The following PCNX1 variants were observed in gnomAD, a reference collection of about 807,000 sequenced individuals.
PCNX1 encodes pecanex-like protein 1.
PCNX1 carries 78 observed loss-of-function variants against 242.2 expected under a neutral mutation model. The observed-to-expected ratio is 0.32, with a 90% CI of 0.27 to 0.39. The LOEUF is 0.39. PCNX1 is among the 10% of genes least tolerant of loss of function. PCNX1 has a pLI of 1.00. For synonymous variants in PCNX1, 1,024 were observed against 1,032.9 expected (o/e 0.99, Z 0.17); for missense variants, 2,581 against 2,856.5 (o/e 0.90, Z 2.20).
chr14:71,031,719 G>A, intron 16 of PCNX1: 1 of 1,013,334 alleles, frequency 9.9e-7, no homozygotes, highest in South Asian at 1.3e-5. Context: ...CTTTGGCCTT[G>A]AACTCTGATG....
chr14:70,962,425 A>G (rs1405129777), intron 3 of PCNX1, 94 bp downstream of exon 3: 4 of 680,328 alleles, frequency 5.9e-6, no homozygotes, highest in African/African-American at 1.8e-5. Context: ...ATGTTTTGTC[A>G]TATCTTTCTG....
chr14:71,065,417 C>T (rs1490207596), intron 26 of PCNX1, among the ~76,000 whole-genome samples: 9 of 152,146 alleles, frequency 5.9e-5, no homozygotes. Context: ...TAAATGTCTT[C>T]TTTTGAGAAG....
chr14:70,936,271 C>T (rs903748372), intron 1 of PCNX1, among the ~76,000 whole-genome samples: 4 of 151,248 alleles, frequency 2.6e-5, no homozygotes, highest in African/African-American at 4.9e-5. Context: ...CTATTGCTAT[C>T]GCTCCTCCCT....
chr14:70,910,049 T>TCCC (rs2055766442), intron 1 of PCNX1, among the ~76,000 whole-genome samples: 2 of 62,478 alleles, frequency 3.2e-5, no homozygotes, highest in African/African-American at 7.4e-5. Flanking sequence ...CTCCTCCTCC[T>TCCC]CCTCCTCCTC....
intron 1 of PCNX1, among the ~76,000 whole-genome samples, chr14:70,928,784 A>G (rs972790398): frequency 1.3e-5 from 2 of 152,198 alleles, no homozygotes; most frequent in African/African-American, 4.8e-5. Flanking sequence ...ATACTGGGAG[A>G]CAAATCTGTA....
In PCNX1 at chr14:70,920,280, C is replaced by CTA. The variant is rs147137851; in HGVS notation, c.153+12280_153+12281dup. Among the ~76,000 whole-genome samples the CTA allele has an allele frequency of 6.9e-3, 1,056 of 152,298 alleles. 12 individuals carry two copies. Among genetic ancestry groups the CTA allele is most frequent in the South Asian group, 0.035 (168 of 4,822 alleles). On this transcript the variant is annotated intron_variant, in intron 1 of 35. Coordinates refer to ENST00000304743, the MANE Select transcript of PCNX1 (RefSeq NM_014982.3). ...ACATTAGTGCAATGCTATTAATGGA[C>CTA]TATACACTTTATTTGGATTTCATCA...
intron 1 of PCNX1, among the ~76,000 whole-genome samples, chr14:70,938,223 G>A (rs7145558): frequency 0.7 from 106,710 of 151,790 alleles, 37,524 homozygotes; most frequent in South Asian, 0.77. Flanking sequence ...TTCAAAGGGA[G>A]TGCTTCCAGT....
intron 28 of PCNX1, among the ~76,000 whole-genome samples, chr14:71,080,086 A>G (rs1356743848): frequency 1.3e-5 from 2 of 152,224 alleles, no homozygotes; most frequent in Admixed American, 6.5e-5. Context: ...AGTTTTCTGC[A>G]TATGGGTAGC....
At chr14:71,051,839 T>G (rs779219817) in intron 23 of PCNX1, 44 bp from the exon 24 acceptor site, 5 of 1,591,954 alleles carry the variant, frequency 3.1e-6, no homozygotes, top group Non-Finnish European at 4.3e-6. Flanking sequence ...GTTTGGCATC[T>G]GTGCTCAGAT....
At chr14:71,033,408 G>C (rs1280830400) in intron 16 of PCNX1, 21 bp from the exon 17 acceptor site, 3 of 1,227,760 alleles carry the variant, frequency 2.4e-6, no homozygotes, top group Non-Finnish European at 3.6e-6. Flanking sequence ...ATATTATTCT[G>C]TTAAATTCAT....
chr14:70,969,812 A>C (rs1283621249), intron 5 of PCNX1: 1 of 151,834 alleles, frequency 6.6e-6, no homozygotes, highest in Non-Finnish European at 1.5e-5. Context: ...GTCTCTACTA[A>C]AAATATAAAA....
intron 19 of PCNX1, among the ~76,000 whole-genome samples, chr14:71,042,857 A>G (rs1196207834): frequency 6.6e-6 from 1 of 151,960 alleles, no homozygotes; most frequent in East Asian, 1.9e-4. Flanking sequence ...TAGTAATAAC[A>G]TTTGACTTAA....
chr14:71,029,435 C>T (rs2060323166), intron 16 of PCNX1, among the ~76,000 whole-genome samples: 1 of 152,094 alleles, frequency 6.6e-6, no homozygotes, highest in African/African-American at 2.4e-5. Context: ...ACTCACAGAT[C>T]CTTCCTTGCC....
chr14:70,952,840 G>A (rs940051040), intron 2 of PCNX1, among the ~76,000 whole-genome samples: 5 of 152,150 alleles, frequency 3.3e-5, no homozygotes, highest in Non-Finnish European at 5.9e-5. Context: ...CAAGCTGTGT[G>A]CCAAAATGAT....
At chr14:70,949,661 C>T (rs2057699344) in intron 2 of PCNX1, among the ~76,000 whole-genome samples, 1 of 152,164 alleles carries the variant, frequency 6.6e-6, no homozygotes, top group Non-Finnish European at 1.5e-5. Context: ...GTCAACTCCT[C>T]CTGGAGGCTT....
chr14:71,106,662 A>AGGG (rs2062631073), intron 33 of PCNX1, among the ~76,000 whole-genome samples: 1 of 151,984 alleles, frequency 6.6e-6, no homozygotes, highest in African/African-American at 2.4e-5. Flanking sequence ...GGGCAGGAGA[A>AGGG]GGGGTGGTCT....
At chr14:70,994,396 G>GATAGATATATATATATATATATAT (rs1555357306) in intron 7 of PCNX1, among the ~76,000 whole-genome samples, 10 of 96,956 alleles carry the variant, frequency 1.0e-4, no homozygotes, top group Non-Finnish European at 2.0e-4. Flanking sequence ...ACAGGCTTAA[G>GATAGATATATATATATATATATAT]ATATATATAT....
At chr14:70,927,853 G>T (rs1006739108) in intron 1 of PCNX1, among the ~76,000 whole-genome samples, 1 of 152,058 alleles carries the variant, frequency 6.6e-6, no homozygotes, top group South Asian at 2.1e-4. Flanking sequence ...CTCCCAAAGT[G>T]CTGGCATTAC....
chr14:70,957,011 T>A (rs2058022251), intron 2 of PCNX1, among the ~76,000 whole-genome samples: 1 of 151,700 alleles, frequency 6.6e-6, no homozygotes, highest in South Asian at 2.1e-4. Flanking sequence ...TTATTATTAT[T>A]TTGAGACAGG....
Sources: allele counts gnomAD v4.1 joint callset (sites outside exome capture counted in the v4.1 genomes callset), GRCh38; gene constraint gnomAD v4.1.1; transcripts MANE v1.5; gene names NCBI Gene and HGNC (gene_info 2026-07-23, HGNC 2026-07-21).